The following ARFIP2 variants were observed in gnomAD, a reference collection of about 807,000 sequenced individuals.
ARFIP2 encodes ARF interacting protein 2.
Under a neutral mutation model 39.2 loss-of-function variants are expected in ARFIP2, and 14 were observed. The observed-to-expected ratio is 0.36, with a 90% CI of 0.24 to 0.56. The LOEUF is 0.56. Ranked by LOEUF, ARFIP2 falls within the 20% of genes least tolerant of loss-of-function variation. The pLI is 0.85. For synonymous variants in ARFIP2, 167 were observed against 172.4 expected (o/e 0.97, Z 0.24); for missense variants, 305 against 422.5 (o/e 0.72, Z 2.44).
In ARFIP2 at chr11:6,479,364, G is replaced by A. The variant is rs556395496; in HGVS notation, c.197-106C>T. 14 of 1,603,104 alleles carry A rather than the reference G, an allele frequency of 8.7e-6. No homozygotes were observed. The Admixed American group carries it at 1.7e-4, about 19-fold the overall frequency. On this transcript the variant is annotated intron_variant, in intron 3 of 7. Transcript: ENST00000396777. ...GCACATGAAATTGACTTCCCTGAAG[G>A]AGATGCTAGAGACAACTGGATGCTC...
Position 6,480,181 on chromosome 11 carries a change from T to G in ARFIP2, c.100-113A>C, listed in dbSNP as rs1364165412. On this transcript the variant is annotated intron_variant, in intron 2 of 7. Coordinates refer to ENST00000396777, the MANE Select transcript of ARFIP2 (RefSeq NM_001376558.2). ...ATAAAGATAGTACACAAGGGAAGTC[T>G]GCACAGAATCAAAATGATACGTAAA... The G allele has an allele frequency of 3.1e-6, 4 of 1,284,812 alleles. No individual in the cohort carries two copies. In the African/African-American group the frequency reaches 5.9e-5, roughly 19 times the overall value. The allele number at this position is 1,284,812 out of a possible 1,614,324, so 79.6% of individuals were successfully genotyped here. A position where few individuals can be genotyped will look rare whatever the true frequency, so the allele number is the denominator to read the frequency against.
At position 6,480,447 on chromosome 11, in the gene ARFIP2, C is replaced by T; in HGVS notation, c.-26G>A. On this transcript the variant is annotated 5_prime_UTR_variant, in exon 2 of 8. Transcript: ENST00000396777. ...GGCTAGGAAAGGTATTGGAGTAAAA[C>T]TCTCCACCCCAGCACCCTGCAAAGC... The T allele has an allele frequency of 6.4e-7, 1 of 1,574,594 alleles. No homozygotes were observed.
chr11:6,479,810 T>G (rs1452171264), intron 3 of ARFIP2, 162 bp downstream of exon 3: 1 of 699,754 alleles, frequency 1.4e-6, no homozygotes, highest in Non-Finnish European at 2.5e-6. Context: ...TGGACAACGC[T>G]GGGAGTTGCT....
chr11:6,477,337 C>G lies in ARFIP2; in HGVS notation c.871-69G>C. Reference sequence around the variant, plus strand: ...TTCTTGAGGGTCTATGAGCCTGAGCCCAGGCACAGACCAGGGGCACAAGGA... The same window carrying G: ...TTCTTGAGGGTCTATGAGCCTGAGCGCAGGCACAGACCAGGGGCACAAGGA... On this transcript the variant is annotated intron_variant, in intron 7 of 7. Coordinates refer to ENST00000396777, the MANE Select transcript of ARFIP2 (RefSeq NM_001376558.2). The surrounding 1 kb of genome is among the most constrained non-coding windows in gnomAD (Gnocchi z 4.8). 1 of 1,534,106 alleles carries G rather than the reference C, an allele frequency of 6.5e-7. No individual in the cohort carries two copies.
At position 6,476,730 on chromosome 11, in the gene ARFIP2, G is replaced by A. The variant is rs1589848938; in HGVS notation, c.*383C>T. The A allele has an allele frequency of 4.8e-6, 1 of 207,902 alleles. No homozygotes were observed. The highest frequency in any genetic ancestry group is 5.2e-5 in the Admixed American group (1 of 19,198). The allele number at this position is 207,902 out of a possible 1,614,324, so 12.9% of individuals were successfully genotyped here. On this transcript the variant is annotated 3_prime_UTR_variant, in exon 8 of 8. Coordinates refer to ENST00000396777, the MANE Select transcript of ARFIP2 (RefSeq NM_001376558.2). ...AAAGGGTATTAGACGCAACATCATT[G>A]GCCCAGGGGAGTCCGAGAAGAGCTG...
In ARFIP2 at chr11:6,477,400, T is replaced by C; in HGVS notation, c.871-132A>G. 1 of 1,083,010 alleles carries C rather than the reference T, an allele frequency of 9.2e-7. No individual in the cohort carries two copies. The highest frequency in any genetic ancestry group is 1.6e-5 in the South Asian group (1 of 60,840). 67.1% of individuals were successfully genotyped at this position (1,083,010 alleles called of 1,614,324 possible). Reference sequence around the variant, plus strand: ...GGTGCTTTTGGGGTAGGGGCTGAACTCTACCCAGGGAGTCAAAGGAGAAGG... The same window carrying C: ...GGTGCTTTTGGGGTAGGGGCTGAACCCTACCCAGGGAGTCAAAGGAGAAGG... On this transcript the variant is annotated intron_variant, in intron 7 of 7. Transcript: ENST00000396777. The surrounding 1 kb of genome is among the most constrained non-coding windows in gnomAD (Gnocchi z 4.8).
At chr11:6,479,418 C>A (rs571977171) in intron 3 of ARFIP2, 160 bp from the exon 4 acceptor site, 21 of 1,478,028 alleles carry the variant, frequency 1.4e-5, no homozygotes, top group Non-Finnish European at 1.8e-5. Flanking sequence ...TCGGACTTTG[C>A]GCGGTGAGAA....
rs566812236 is a variant in ARFIP2, at chr11:6,478,458, G to A, written c.538-260C>T. The A allele has an allele frequency of 1.8e-6, 2 of 1,081,468 alleles. No homozygotes were observed. Among genetic ancestry groups the A allele is most frequent in the Admixed American group, 2.9e-5 (1 of 34,480 alleles). 67.0% of individuals were successfully genotyped at this position (1,081,468 alleles called of 1,614,324 possible). A position where few individuals can be genotyped will look rare whatever the true frequency, so the allele number is the denominator to read the frequency against. ...TCTGAGAGCTAGTGTGGCAAGCAGGGGAGGGGCTCTGATTAGGCTGAGCAC... is the reference window on the plus strand; with the variant it reads ...TCTGAGAGCTAGTGTGGCAAGCAGGAGAGGGGCTCTGATTAGGCTGAGCAC... On this transcript the variant is annotated intron_variant, in intron 5 of 7. Coordinates refer to ENST00000396777, the MANE Select transcript of ARFIP2 (RefSeq NM_001376558.2). This position sits in a 1 kb window ranked among gnomAD's most constrained non-coding sequence, Gnocchi z 4.8.
Position 6,479,154 on chromosome 11 carries a change from T to G in ARFIP2, c.301A>C (p.Ile101Leu). ...TTAAATCCTACCTTATAGGTGTTGATGCCCCATTTCTTGACGATGTCAAAC... is the reference window on the plus strand; with the variant it reads ...TTAAATCCTACCTTATAGGTGTTGAGGCCCCATTTCTTGACGATGTCAAAC... Reference protein sequence around the residue: ...EKFDIVKKWGINTYKCTKQLL... With the variant: ...EKFDIVKKWGLNTYKCTKQLL... Residue 101 changes from isoleucine to leucine, a missense_variant, in exon 4 of 8, where the codon ATC becomes CTC. Coordinates refer to ENST00000396777, the MANE Select transcript of ARFIP2 (RefSeq NM_001376558.2). 6.2e-7 allele frequency: 1 copy of G among 1,614,160 alleles called. No individual in the cohort carries two copies. The highest frequency in any genetic ancestry group is 8.5e-7 in the Non-Finnish European group (1 of 1,180,030).
chr11:6,477,070 T>C lies in ARFIP2; in HGVS notation c.*43A>G, dbSNP rs371460859. ...AATCTCCCACACCCTGGGGCTGCCC[T>C]TCCCAATGTCTTTCTTGATAGCCAA... On this transcript the variant is annotated 3_prime_UTR_variant, in exon 8 of 8. Transcript: ENST00000396777. The surrounding 1 kb of genome is among the most constrained non-coding windows in gnomAD (Gnocchi z 4.8). 3.8e-6 allele frequency: 6 copies of C among 1,578,446 alleles called. No homozygotes were observed. The African/African-American group carries it at 8.1e-5, about 21-fold the overall frequency.
chr11:6,481,114 A>C (rs1851718135), intron 1 of ARFIP2, 117 bp downstream of exon 1: 6 of 306,158 alleles, frequency 2.0e-5, no homozygotes, highest in South Asian at 7.5e-5. Flanking sequence ...CCCCGCCCCC[A>C]CCCCCATACA....
rs1267025002 is a variant in ARFIP2 at position 6,476,852 on chromosome 11, T to A, written c.*261A>T. ...CATTGGCCAGGGAGTGGTTTTGTCATAGCCGTTGGCTGTGAAGTGGAAGGA... is the reference window on the plus strand; with the variant it reads ...CATTGGCCAGGGAGTGGTTTTGTCAAAGCCGTTGGCTGTGAAGTGGAAGGA... On this transcript the variant is annotated 3_prime_UTR_variant, in exon 8 of 8. Coordinates refer to ENST00000396777, the MANE Select transcript of ARFIP2 (RefSeq NM_001376558.2). 2 of 422,860 alleles carry A rather than the reference T, an allele frequency of 4.7e-6. No individual in the cohort carries two copies. The highest frequency in any genetic ancestry group is 8.6e-6 in the Non-Finnish European group (2 of 233,746). The allele number at this position is 422,860 out of a possible 1,614,324, so 26.2% of individuals were successfully genotyped here. A position where few individuals can be genotyped will look rare whatever the true frequency, so the allele number is the denominator to read the frequency against.
In ARFIP2 at chr11:6,481,326, G is replaced by A. The variant is rs1851753411; in HGVS notation, c.-138C>T. 3.6e-6 allele frequency: 3 copies of A among 838,120 alleles called. No individual in the cohort carries two copies. Among genetic ancestry groups the A allele is most frequent in the South Asian group, 3.2e-5 (2 of 62,990 alleles). The allele number at this position is 838,120 out of a possible 1,614,324, so 51.9% of individuals were successfully genotyped here. On this transcript the variant is annotated 5_prime_UTR_variant, in exon 1 of 8. Transcript: ENST00000396777. ...CGTCGCGATCCTAGCAGCAGGTCAG[G>A]GACTCGGCGGAAATGACGTCCTCTC...
rs1477502801 is a variant in ARFIP2 at position 6,477,527 on chromosome 11, C to G, written c.870+191G>C. The stretch of plus-strand genomic sequence containing the variant: ...CCAGTTATGTTCCTGGGACCAGCAG[C>G]CAAATCCTCCAACAGGAAAGGGCCA... On this transcript the variant is annotated intron_variant, in intron 7 of 7. Coordinates refer to ENST00000396777, the MANE Select transcript of ARFIP2 (RefSeq NM_001376558.2). The surrounding 1 kb of genome is among the most constrained non-coding windows in gnomAD (Gnocchi z 4.8). Among the ~76,000 whole-genome samples, 1 of 152,090 alleles carries G rather than the reference C, an allele frequency of 6.6e-6. No homozygotes were observed. Among genetic ancestry groups the G allele is most frequent in the African/African-American group, 2.4e-5 (1 of 41,400 alleles).
At chr11:6,479,447 A>C in intron 3 of ARFIP2, 189 bp from the exon 4 acceptor site, 1 of 1,116,292 alleles carries the variant, frequency 9.0e-7, no homozygotes, top group Non-Finnish European at 1.3e-6. Flanking sequence ...TGATATACAT[A>C]TGGCCTCCTT....
In ARFIP2 at chr11:6,478,001, A is replaced by G; in HGVS notation, c.695+40T>C. Reference sequence around the variant, plus strand: ...TAATGCCCAAATTTCCACCCATACCAGCCAACTCCCCAAACCCTAAGCCCT... The same window carrying G: ...TAATGCCCAAATTTCCACCCATACCGGCCAACTCCCCAAACCCTAAGCCCT... On this transcript the variant is annotated intron_variant, in intron 6 of 7. Transcript: ENST00000396777. The surrounding 1 kb of genome is among the most constrained non-coding windows in gnomAD (Gnocchi z 4.8). 1 of 1,607,994 alleles carries G rather than the reference A, an allele frequency of 6.2e-7. No individual in the cohort carries two copies. Among genetic ancestry groups the G allele is most frequent in the Non-Finnish European group, 8.5e-7 (1 of 1,175,504 alleles).
intron 1 of ARFIP2, 111 bp from the exon 2 acceptor site, chr11:6,480,574 G>A (rs1589855502): frequency 1.7e-6 from 1 of 599,368 alleles, no homozygotes; most frequent in East Asian, 3.0e-5. Context: ...CCCAGCGTTT[G>A]GCCATCATTC....
intron 4 of ARFIP2, 86 bp downstream of exon 4, chr11:6,479,054 C>A: frequency 6.3e-7 from 1 of 1,581,306 alleles, no homozygotes; most frequent in Non-Finnish European, 8.7e-7. Context: ...TACTCTCAGC[C>A]ACAGATGGGA....
chr11:6,478,309 A>C lies in ARFIP2; in HGVS notation c.538-111T>G, dbSNP rs1198310355. 9.8e-6 allele frequency: 13 copies of C among 1,329,064 alleles called. No homozygotes were observed. The highest frequency in any genetic ancestry group is 9.3e-5 in the East Asian group (4 of 43,110). The allele number at this position is 1,329,064 out of a possible 1,614,324, so 82.3% of individuals were successfully genotyped here. On this transcript the variant is annotated intron_variant, in intron 5 of 7. Coordinates refer to ENST00000396777, the MANE Select transcript of ARFIP2 (RefSeq NM_001376558.2). The surrounding 1 kb of genome is among the most constrained non-coding windows in gnomAD (Gnocchi z 4.8). ...GGAGGACACAGCCAGCAAAACTGGAACAACCAAGGACTGCCTCCAGCAAGG... is the reference window on the plus strand; with the variant it reads ...GGAGGACACAGCCAGCAAAACTGGACCAACCAAGGACTGCCTCCAGCAAGG...
Sources: gnomAD v4.1 joint callset for allele counts (sites outside exome capture counted in the v4.1 genomes callset) on GRCh38, gnomAD v4.1.1 for gene constraint, Gnocchi (gnomAD v3.1) non-coding constraint, MANE v1.5 for transcripts, NCBI Gene and HGNC (gene_info 2026-07-23, HGNC 2026-07-21) for gene names.